LRRC8C: variants seen among roughly 807,000 people sequenced by gnomAD.
The protein encoded by LRRC8C is leucine rich repeat containing 8 VRAC subunit C.
LRRC8C carries 20 observed loss-of-function variants against 55.3 expected under a neutral mutation model. That is an observed-to-expected ratio of 0.36 (90% confidence interval 0.25 to 0.53). The LOEUF (loss-of-function observed/expected upper bound fraction) is 0.53, where lower values mean the gene tolerates loss of function less well. Among genes scored for constraint, LRRC8C ranks in the 20% least tolerant of loss-of-function variants. LRRC8C has a pLI of 0.92. For missense variants in LRRC8C, 659 were observed against 951.4 expected (o/e 0.69, Z 4.04); for synonymous variants, 376 against 360.7 (o/e 1.04, Z -0.48).
At chr1:89,688,605 G>A (rs528169670) in intron 2 of LRRC8C, among the ~76,000 whole-genome samples, 62 of 152,304 alleles carry the variant, frequency 4.1e-4, no homozygotes, top group African/African-American at 1.3e-3. Context: ...AGGCTTCCAG[G>A]CAGAGGGAAC....
Position 89,706,792 on chromosome 1 carries a change from A to T in LRRC8C, c.139-5917A>T, listed in dbSNP as rs1431194497. Among the ~76,000 whole-genome samples, 2 of 152,126 alleles carry T rather than the reference A, an allele frequency of 1.3e-5. 1 individual carries two copies. The highest frequency in any genetic ancestry group is 4.8e-5 in the African/African-American group (2 of 41,382). On this transcript the variant is annotated intron_variant, in intron 2 of 2. Coordinates refer to ENST00000370454, the MANE Select transcript of LRRC8C (RefSeq NM_032270.5). ...TCCCTTGAAACCCTTCCCCTCCCCC[A>T]TAGAAAGCAAAAGCAAGAAATTCAG... is the stretch of plus-strand genomic sequence containing the variant.
chr1:89,680,046 C>T (rs10922699), intron 1 of LRRC8C, among the ~76,000 whole-genome samples: 34,169 of 151,488 alleles, frequency 0.23, 4,117 homozygotes, highest in East Asian at 0.44. Flanking sequence ...ATAAAATAAA[C>T]TCTATGTTTG....
At chr1:89,676,528 A>G (rs978204631) in intron 1 of LRRC8C, 4 of 152,206 alleles carry the variant, frequency 2.6e-5, no homozygotes, top group African/African-American at 9.6e-5. Flanking sequence ...TAAGGGGATA[A>G]TAACGTAATG....
At chr1:89,682,419 T>C (rs1657741551) in intron 1 of LRRC8C, among the ~76,000 whole-genome samples, 1 of 152,200 alleles carries the variant, frequency 6.6e-6, no homozygotes, top group South Asian at 2.1e-4. Context: ...TTGTGAGTAT[T>C]CAGGTCTTTG....
chr1:89,631,022 AC>A (rs769824635), upstream of LRRC8C, among the ~76,000 whole-genome samples: 2 of 152,198 alleles, frequency 1.3e-5, no homozygotes, highest in Non-Finnish European at 2.9e-5. Context: ...CAATAAAGCA[AC>A]TTGGGGTGGA....
At chr1:89,647,184 G>A (rs1480924208) in intron 1 of LRRC8C, among the ~76,000 whole-genome samples, 1 of 152,112 alleles carries the variant, frequency 6.6e-6, no homozygotes, top group African/African-American at 2.4e-5. Context: ...TCTCTTTCTT[G>A]TAAGTACCAT....
chr1:89,676,109 A>G (rs555658475), intron 1 of LRRC8C: 9 of 152,374 alleles, frequency 5.9e-5, no homozygotes, highest in African/African-American at 1.9e-4. Flanking sequence ...CAAAAATCCC[A>G]AAGAAATTAA....
At chr1:89,670,193 G>C (rs944042905) in intron 1 of LRRC8C, among the ~76,000 whole-genome samples, 4 of 152,038 alleles carry the variant, frequency 2.6e-5, no homozygotes, top group Non-Finnish European at 5.9e-5. Context: ...CACTCCCTTG[G>C]ATATTTTCTG....
the LRRC8C span, among the ~76,000 whole-genome samples, chr1:89,623,472 C>T: frequency 6.6e-6 from 1 of 152,126 alleles, no homozygotes; most frequent in Non-Finnish European, 1.5e-5. Context: ...CCTGTAATCC[C>T]AGCACTTTGG....
rs144799696 is a variant in LRRC8C at position 89,641,855 on chromosome 1, A to G, written c.-5+8533A>G. On this transcript the variant is annotated intron_variant, in intron 1 of 2. Transcript: ENST00000370454. ...ATATAATTTATGGTCCTGGGCTTCT[A>G]TATTTCTGTGTTCTGTTCTACTTAG... Among the ~76,000 whole-genome samples the G allele has an allele frequency of 2.3e-3, 345 of 152,276 alleles. 1 individual carries two copies. Among genetic ancestry groups the G allele is most frequent in the African/African-American group, 8.0e-3 (334 of 41,560 alleles).
At chr1:89,620,579 CAAAAAAAAA>C in the LRRC8C span, among the ~76,000 whole-genome samples, 2 of 137,028 alleles carry the variant, frequency 1.5e-5, no homozygotes, top group Non-Finnish European at 3.2e-5. Context: ...GATGATTTTT[CAAAAAAAAA>C]AAAAAAAAAA....
intron 1 of LRRC8C, among the ~76,000 whole-genome samples, chr1:89,685,564 A>G (rs1050758469): frequency 2.0e-5 from 3 of 152,040 alleles, no homozygotes; most frequent in African/African-American, 7.2e-5. Context: ...CAGAAAGAAT[A>G]TTTCTCCTCA....
chr1:89,683,472 C>G (rs1319698351), intron 1 of LRRC8C, among the ~76,000 whole-genome samples: 1 of 151,948 alleles, frequency 6.6e-6, no homozygotes. Flanking sequence ...ATTCTCCTGC[C>G]TCAGCCTCCC....
At position 89,716,394 on chromosome 1, in the gene LRRC8C, A is replaced by G. The variant is rs1240775351; in HGVS notation, c.*1412A>G. On this transcript the variant is annotated 3_prime_UTR_variant, in exon 3 of 3. Transcript: ENST00000370454. Reference sequence around the variant, plus strand: ...CTAGTGCTACAAGCACGGGAAATCCATCTGCTCTCTGGCTTAAAATATGTA... The same window carrying G: ...CTAGTGCTACAAGCACGGGAAATCCGTCTGCTCTCTGGCTTAAAATATGTA... 4 of 152,242 alleles carry G rather than the reference A, an allele frequency of 2.6e-5. No individual in the cohort carries two copies. The highest frequency in any genetic ancestry group is 5.9e-5 in the Non-Finnish European group (4 of 68,038). 9.4% of individuals were successfully genotyped at this position (152,242 alleles called of 1,614,324 possible). A position where few individuals can be genotyped will look rare whatever the true frequency, so the allele number is the denominator to read the frequency against.
At chr1:89,620,889 G>A in the LRRC8C span, among the ~76,000 whole-genome samples, 13 of 152,192 alleles carry the variant, frequency 8.5e-5, no homozygotes, top group Non-Finnish European at 1.6e-4. Context: ...AAGTTTTTCA[G>A]CAAAGACCAT....
chr1:89,665,042 G>C (rs1431074419), intron 1 of LRRC8C, among the ~76,000 whole-genome samples: 1 of 152,118 alleles, frequency 6.6e-6, no homozygotes, highest in Non-Finnish European at 1.5e-5. Context: ...ATGATGATGG[G>C]GTTTTCTAAA....
upstream of LRRC8C, among the ~76,000 whole-genome samples, chr1:89,629,256 T>G (rs541060181): frequency 6.6e-6 from 1 of 152,224 alleles, no homozygotes; most frequent in African/African-American, 2.4e-5. Flanking sequence ...CAACTGAAAC[T>G]TAAAACAACA....
chr1:89,689,303 G>GAAC (rs1184589462), intron 2 of LRRC8C, among the ~76,000 whole-genome samples: 1 of 152,192 alleles, frequency 6.6e-6, no homozygotes, highest in Admixed American at 6.5e-5. Flanking sequence ...GTGAGGGGAA[G>GAAC]AACAGTAAAA....
chr1:89,673,339 A>G (rs759816527), intron 1 of LRRC8C, among the ~76,000 whole-genome samples: 1 of 152,152 alleles, frequency 6.6e-6, no homozygotes. Context: ...TTGCAAGTTG[A>G]TACATTACTA....
Sources: gnomAD v4.1 joint callset for allele counts (sites outside exome capture counted in the v4.1 genomes callset) on GRCh38, gnomAD v4.1.1 for gene constraint, MANE v1.5 for transcripts, NCBI Gene and HGNC (gene_info 2026-07-23, HGNC 2026-07-21) for gene names.